Variants in TFCP2 observed in about 807,000 individuals in gnomAD.
TFCP2 encodes alpha-globin transcription factor CP2.
TFCP2 carries 33 observed loss-of-function variants against 73.4 expected under a neutral mutation model. That is an observed-to-expected ratio of 0.45 (90% CI 0.34 to 0.60). TFCP2 has a LOEUF of 0.60. Among genes scored for constraint, TFCP2 ranks in the 20% least tolerant of loss-of-function variants. The probability of loss-of-function intolerance (pLI) is 0.01; values close to 1 mark genes in which losing one functional copy is unlikely to be tolerated. For missense variants in TFCP2, 352 were observed against 604.0 expected, an observed-to-expected ratio of 0.58 and a Z score of 4.37; for synonymous variants, 193 against 211.6, an observed-to-expected ratio of 0.91 and a Z score of 0.76.
At chr12:51,140,474 T>TG (rs1941169163) in intron 1 of TFCP2, among the ~76,000 whole-genome samples, 1 of 103,200 alleles carries the variant, frequency 9.7e-6, no homozygotes, top group South Asian at 3.3e-4. Context: ...TTTGTAGAGG[T>TG]GGGGTCTCAA....
rs774146950 is a variant in TFCP2, at chr12:51,104,228, G to A, written c.918-25C>T. On this transcript the variant is annotated intron_variant, in intron 8 of 14. Coordinates refer to ENST00000257915, the MANE Select transcript of TFCP2 (RefSeq NM_005653.5). Reference sequence around the variant, plus strand: ...TCTAAAGAAACATTTAAAATGAAAGGATGAGTCCATGACACATGCTGGGGC... The same window carrying A: ...TCTAAAGAAACATTTAAAATGAAAGAATGAGTCCATGACACATGCTGGGGC... The A allele has an allele frequency of 1.9e-6, 3 of 1,608,666 alleles. No individual in the cohort carries two copies. The South Asian group carries it at 3.3e-5, about 18-fold the overall frequency.
At chr12:51,105,324 C>T (rs544328102) in intron 8 of TFCP2, among the ~76,000 whole-genome samples, 81 of 152,184 alleles carry the variant, frequency 5.3e-4, no homozygotes, top group African/African-American at 1.9e-3. Flanking sequence ...GAACTCCTGA[C>T]ATCGTAATCT....
chr12:51,168,354 T>C (rs1179850217), intron 1 of TFCP2, among the ~76,000 whole-genome samples: 6 of 151,892 alleles, frequency 4.0e-5, no homozygotes, highest in African/African-American at 1.5e-4. Context: ...AGCAGTGAGC[T>C]GTGATTGAGC....
chr12:51,110,955 A>T lies in TFCP2; in HGVS notation c.486T>A (p.Asp162Glu), dbSNP rs1327391279. 1.2e-6 allele frequency: 2 copies of T among 1,613,902 alleles called. No individual in the cohort carries two copies. Among genetic ancestry groups the T allele is most frequent in the Non-Finnish European group, 8.5e-7 (1 of 1,179,828 alleles). ...IDIPMSVGII[D>E]PRANPTQLNT... ...TTAGTTGAGTTGGATTAGCCCTAGG[A>T]TCGATTATACCCACAGACATCGGGA... Residue 162 changes from aspartate (D) to glutamate (E), a missense_variant, in exon 5 of 15, where the codon GAT becomes GAA. Coordinates refer to ENST00000257915, the MANE Select transcript of TFCP2 (RefSeq NM_005653.5).
In TFCP2 at chr12:51,109,353, C is replaced by G. The variant is rs970883545; in HGVS notation, c.565-80G>C. The G allele has an allele frequency of 2.0e-6, 3 of 1,477,598 alleles. No individual in the cohort carries two copies. In the African/African-American group the frequency reaches 4.2e-5, roughly 20 times the overall value. 91.5% of individuals were successfully genotyped at this position (1,477,598 alleles called of 1,614,324 possible). ...GCAGTATTTTTTTAGCAACTATTAACAGCAAAACCTTTACCAGGCATTATG... is the reference window on the plus strand; with the variant it reads ...GCAGTATTTTTTTAGCAACTATTAAGAGCAAAACCTTTACCAGGCATTATG... On this transcript the variant is annotated intron_variant, in intron 5 of 14. Coordinates refer to ENST00000257915, the MANE Select transcript of TFCP2 (RefSeq NM_005653.5).
intron 1 of TFCP2, among the ~76,000 whole-genome samples, chr12:51,147,061 G>A (rs567417339): frequency 1.8e-4 from 28 of 152,258 alleles, no homozygotes; most frequent in African/African-American, 6.5e-4. Flanking sequence ...TAAAACATTA[G>A]GCCGGGCACA....
chr12:51,120,389 C>T (rs2136987125), intron 1 of TFCP2, among the ~76,000 whole-genome samples: 1 of 152,076 alleles, frequency 6.6e-6, no homozygotes, highest in African/African-American at 2.4e-5. Flanking sequence ...ATGTGTAATG[C>T]ATGGTTCTGT....
intron 14 of TFCP2, among the ~76,000 whole-genome samples, 169 bp downstream of exon 14, chr12:51,095,813 CAAAAAAA>C (rs34105291): frequency 8.3e-5 from 7 of 84,180 alleles, no homozygotes; most frequent in South Asian, 5.0e-4. Context: ...GACTCTGTTT[CAAAAAAA>C]AAAAAAAAAA....
intron 1 of TFCP2, among the ~76,000 whole-genome samples, chr12:51,159,797 G>C (rs1399349038): frequency 2.0e-5 from 3 of 152,064 alleles, no homozygotes; most frequent in African/African-American, 4.8e-5. Context: ...CTCATATTTG[G>C]AAGAGATGGT....
At chr12:51,101,404 C>A (rs1940107893) in intron 11 of TFCP2, among the ~76,000 whole-genome samples, 1 of 152,178 alleles carries the variant, frequency 6.6e-6, no homozygotes, top group Admixed American at 6.5e-5. Context: ...TTCCTTCTGC[C>A]TAGAACAGTC....
intron 1 of TFCP2, among the ~76,000 whole-genome samples, chr12:51,159,628 A>C (rs1254934990): frequency 6.6e-6 from 1 of 151,880 alleles, no homozygotes; most frequent in African/African-American, 2.4e-5. Context: ...AGAAGCATCA[A>C]TTCCGACCGG....
intron 1 of TFCP2, among the ~76,000 whole-genome samples, chr12:51,121,158 T>C (rs55927899): frequency 2.6e-5 from 4 of 151,344 alleles, no homozygotes; most frequent in East Asian, 2.0e-4. Flanking sequence ...GTATGGCTCA[T>C]GCCTGTAATC....
Position 51,093,972 on chromosome 12 carries a change from T to C in TFCP2, c.*1269A>G, listed in dbSNP as rs1175923277. 1 of 135,924 alleles carries C rather than the reference T, an allele frequency of 7.4e-6. No individual in the cohort carries two copies. The highest frequency in any genetic ancestry group is 1.5e-5 in the Non-Finnish European group (1 of 65,466). 8.4% of individuals were successfully genotyped at this position (135,924 alleles called of 1,614,324 possible). A position where few individuals can be genotyped will look rare whatever the true frequency, so the allele number is the denominator to read the frequency against. On this transcript the variant is annotated 3_prime_UTR_variant, in exon 15 of 15. Transcript: ENST00000257915. ...AGTGAAGAAAGAAAACCCATGATGT[T>C]ACACTTACACACTTACACACACACA...
intron 1 of TFCP2, among the ~76,000 whole-genome samples, chr12:51,164,382 AGGTC>A (rs1941710399): frequency 6.6e-6 from 1 of 152,126 alleles, no homozygotes; most frequent in Non-Finnish European, 1.5e-5. Flanking sequence ...GCAGATCACA[AGGTC>A]AGGAGTTCAA....
At chr12:51,151,205 G>A (rs1941417055) in intron 1 of TFCP2, among the ~76,000 whole-genome samples, 1 of 152,228 alleles carries the variant, frequency 6.6e-6, no homozygotes, top group African/African-American at 2.4e-5. Context: ...GCCAGGGGAA[G>A]AGTATATTCA....
intron 10 of TFCP2, 110 bp from the exon 11 acceptor site, chr12:51,102,135 A>G (rs891395757): frequency 2.9e-5 from 22 of 767,062 alleles, no homozygotes; most frequent in Non-Finnish European, 4.1e-5. Flanking sequence ...GTTACAATCC[A>G]TAATTTTCTT....
At chr12:51,095,861 C>T in intron 14 of TFCP2, 128 bp downstream of exon 14, 1 of 401,376 alleles carries the variant, frequency 2.5e-6, no homozygotes, top group Non-Finnish European at 4.5e-6. Context: ...GGAACAATCT[C>T]TAATATTGTC....
At chr12:51,113,424 G>A (rs1940447042) in intron 4 of TFCP2, among the ~76,000 whole-genome samples, 1 of 152,094 alleles carries the variant, frequency 6.6e-6, no homozygotes, top group Admixed American at 6.6e-5. Context: ...TAGCAACGTG[G>A]GAAGACACAA....
intron 1 of TFCP2, among the ~76,000 whole-genome samples, chr12:51,156,073 A>G (rs1941531848): frequency 1.4e-5 from 2 of 148,054 alleles, no homozygotes; most frequent in Non-Finnish European, 3.0e-5. Flanking sequence ...AAAAAAAAAG[A>G]AAGAACTATT....
Sources: gnomAD v4.1 joint callset for allele counts (sites outside exome capture counted in the v4.1 genomes callset) on GRCh38, gnomAD v4.1.1 for gene constraint, MANE v1.5 for transcripts, NCBI Gene and HGNC (gene_info 2026-07-23, HGNC 2026-07-21) for gene names.